Variants in FAF1 observed in about 807,000 individuals in gnomAD.
The protein encoded by FAF1 is Fas associated factor 1.
Under a neutral mutation model 92.5 loss-of-function variants are expected in FAF1, and 25 were observed. The ratio of observed to expected loss-of-function variants is 0.27; its 90% CI spans 0.20 to 0.38. The LOEUF is 0.38. FAF1 is among the 10% of genes least tolerant of loss of function. FAF1 has a pLI of 1.00. For missense variants in FAF1, 636 were observed against 793.3 expected (o/e 0.80, Z 2.38); for synonymous variants, 234 against 273.2 (o/e 0.86, Z 1.42).
chr1:50,878,736 AGCAACAAGTTACTGTGGACCAG>A (rs1314307026), intron 1 of FAF1, among the ~76,000 whole-genome samples: 1 of 152,208 alleles, frequency 6.6e-6, no homozygotes, highest in Non-Finnish European at 1.5e-5. Flanking sequence ...AAAACTAACT[AGCAACAAGTTACTGTGGACCAG>A]GCAACTTAGT....
At chr1:50,768,665 CAA>C (rs1248274621) in intron 4 of FAF1, among the ~76,000 whole-genome samples, 3 of 151,890 alleles carry the variant, frequency 2.0e-5, no homozygotes, top group African/African-American at 7.3e-5. Context: ...GGAAATTAAA[CAA>C]CCTATCCTGA....
At chr1:50,911,154 C>A (rs182018640) in intron 1 of FAF1, among the ~76,000 whole-genome samples, 2 of 151,950 alleles carry the variant, frequency 1.3e-5, no homozygotes, top group Admixed American at 6.5e-5. Flanking sequence ...CTCACTGCAA[C>A]CTCTGCCTCC....
intron 12 of FAF1, among the ~76,000 whole-genome samples, chr1:50,570,996 A>G (rs2149058889): frequency 6.6e-6 from 1 of 152,318 alleles, no homozygotes; most frequent in Non-Finnish European, 1.5e-5. Flanking sequence ...TTCTATTACT[A>G]TAACCAGTTT....
intron 7 of FAF1, among the ~76,000 whole-genome samples, chr1:50,692,251 G>C (rs984830792): frequency 2.2e-5 from 3 of 139,334 alleles, no homozygotes; most frequent in African/African-American, 2.8e-5. Context: ...CTGTGTGTGT[G>C]TGTGTGTGTG....
chr1:50,836,882 C>G (rs893722445), intron 2 of FAF1, among the ~76,000 whole-genome samples: 1 of 150,618 alleles, frequency 6.6e-6, no homozygotes, highest in African/African-American at 2.4e-5. Context: ...TATATTGCAA[C>G]TACAAAATAG....
At chr1:50,659,568 T>G (rs781604858) in intron 7 of FAF1, among the ~76,000 whole-genome samples, 5 of 152,186 alleles carry the variant, frequency 3.3e-5, no homozygotes, top group Non-Finnish European at 7.3e-5. Context: ...TAACATTTCC[T>G]AAGGGCCTTT....
At chr1:50,520,514 A>C (rs556213716) in intron 15 of FAF1, among the ~76,000 whole-genome samples, 2 of 152,156 alleles carry the variant, frequency 1.3e-5, no homozygotes, top group Non-Finnish European at 2.9e-5. Context: ...TTACCTCTGC[A>C]CATGCAAACT....
At chr1:50,659,589 CA>C (rs1456153095) in intron 7 of FAF1, among the ~76,000 whole-genome samples, 1 of 152,212 alleles carries the variant, frequency 6.6e-6, no homozygotes, top group Non-Finnish European at 1.5e-5. Context: ...TTGTCTTACA[CA>C]TTTTTTTTTT....
intron 4 of FAF1, among the ~76,000 whole-genome samples, chr1:50,782,014 G>C (rs541912404): frequency 1.3e-5 from 2 of 152,038 alleles, no homozygotes; most frequent in Non-Finnish European, 2.9e-5. Flanking sequence ...ATAAATTTTT[G>C]GTGATGCTGG....
At chr1:50,665,882 A>G (rs1347350723) in intron 7 of FAF1, among the ~76,000 whole-genome samples, 3 of 151,834 alleles carry the variant, frequency 2.0e-5, no homozygotes, top group African/African-American at 7.3e-5. Flanking sequence ...ATGTATGCAC[A>G]GAAAAAAGAT....
chr1:50,865,127 AC>A (rs1644469318), intron 1 of FAF1, among the ~76,000 whole-genome samples: 1 of 152,090 alleles, frequency 6.6e-6, no homozygotes, highest in South Asian at 2.1e-4. Context: ...GCAAATCAAA[AC>A]CACAATGAGT....
intron 8 of FAF1, among the ~76,000 whole-genome samples, chr1:50,596,664 G>C: frequency 6.6e-6 from 1 of 152,246 alleles, no homozygotes; most frequent in Middle Eastern, 3.4e-3. Context: ...TCTAAGTTTA[G>C]GTTTTATCAT....
intron 7 of FAF1, among the ~76,000 whole-genome samples, chr1:50,698,300 C>T (rs1657318934): frequency 6.6e-6 from 1 of 152,148 alleles, no homozygotes; most frequent in African/African-American, 2.4e-5. Flanking sequence ...AAATTATAGC[C>T]TTTCCCAACA....
At chr1:50,538,553 C>CA (rs34003582) in intron 14 of FAF1, among the ~76,000 whole-genome samples, 10,773 of 77,982 alleles carry the variant, frequency 0.14, 468 homozygotes, top group East Asian at 0.22. Context: ...GTAAAAAAGG[C>CA]AAAAAAAAAA....
At chr1:50,654,318 T>C (rs978131500) in intron 8 of FAF1, among the ~76,000 whole-genome samples, 4 of 152,190 alleles carry the variant, frequency 2.6e-5, no homozygotes, top group African/African-American at 9.6e-5. Flanking sequence ...CTATTTATTT[T>C]AAAAATTAGA....
chr1:50,864,005 T>C (rs1330141378), intron 1 of FAF1, among the ~76,000 whole-genome samples: 2 of 151,992 alleles, frequency 1.3e-5, no homozygotes, highest in African/African-American at 2.4e-5. Flanking sequence ...GTGTTTGTAG[T>C]ATTCTCTGAT....
intron 8 of FAF1, among the ~76,000 whole-genome samples, chr1:50,602,099 TGC>T (rs1252517185): frequency 1.3e-5 from 2 of 152,226 alleles, no homozygotes; most frequent in Admixed American, 6.5e-5. Flanking sequence ...TTATGTCACC[TGC>T]AGACTCCTTG....
rs145761206 is a variant in FAF1 at position 50,619,193 on chromosome 1, G to A, written c.745-22977C>T. ...TGGGTCTTATCTTTTTATTCAGTTTGTCATTCTGTGTCTTTTAAGTGAGGC... is the reference window on the plus strand; with the variant it reads ...TGGGTCTTATCTTTTTATTCAGTTTATCATTCTGTGTCTTTTAAGTGAGGC... On this transcript the variant is annotated intron_variant, in intron 8 of 18. Coordinates refer to ENST00000396153, the MANE Select transcript of FAF1 (RefSeq NM_007051.3). 2.0e-5 allele frequency among the ~76,000 whole-genome samples: 3 copies of A among 152,278 alleles called. No homozygotes were observed. In the East Asian group the frequency reaches 5.8e-4, roughly 29 times the overall value.
intron 8 of FAF1, among the ~76,000 whole-genome samples, chr1:50,625,969 A>G (rs1437295596): frequency 6.6e-6 from 1 of 152,218 alleles, no homozygotes; most frequent in East Asian, 1.9e-4. Flanking sequence ...AGTCTAAACT[A>G]TGGTAAGAAT....
Sources: allele counts gnomAD v4.1 joint callset (sites outside exome capture counted in the v4.1 genomes callset), GRCh38; gene constraint gnomAD v4.1.1; transcripts MANE v1.5; gene names NCBI Gene and HGNC (gene_info 2026-07-23, HGNC 2026-07-21).